Variants in RBFOX3 observed in about 807,000 individuals in gnomAD.
RBFOX3 encodes RNA binding fox-1 homolog 3, also known as RNA binding protein fox-1 homolog 3.
RBFOX3 carries 17 observed loss-of-function variants against 48.7 expected under a neutral mutation model. The observed-to-expected ratio is 0.35, with a 90% CI of 0.24 to 0.52. RBFOX3 has a LOEUF of 0.52. Ranked by LOEUF, RBFOX3 falls within the 20% of genes least tolerant of loss-of-function variation. RBFOX3 has a pLI of 0.94. For synonymous variants in RBFOX3, 212 were observed against 209.5 expected, an observed-to-expected ratio of 1.01 and a Z score of -0.10; for missense variants, 382 against 497.5, an observed-to-expected ratio of 0.77 and a Z score of 2.21.
At chr17:79,395,600 G>A (rs193168233) in intron 2 of RBFOX3, among the ~76,000 whole-genome samples, 2 of 152,334 alleles carry the variant, frequency 1.3e-5, no homozygotes, top group East Asian at 1.9e-4. Context: ...GCTGGCGCCC[G>A]CCTGGCAGTT....
At chr17:79,329,913 C>T (rs369823855) in intron 2 of RBFOX3, among the ~76,000 whole-genome samples, 13 of 152,306 alleles carry the variant, frequency 8.5e-5, no homozygotes, top group East Asian at 3.9e-4. Flanking sequence ...CCTGACCTCT[C>T]GTGCTGATCT....
intron 2 of RBFOX3, among the ~76,000 whole-genome samples, chr17:79,342,910 C>A (rs760706327): frequency 6.6e-6 from 1 of 151,720 alleles, no homozygotes; most frequent in Non-Finnish European, 1.5e-5. Context: ...CTTTACATGA[C>A]TTTTCAAGTT....
At chr17:79,565,949 C>T (rs2092438247) in intron 1 of RBFOX3, among the ~76,000 whole-genome samples, 2 of 152,178 alleles carry the variant, frequency 1.3e-5, no homozygotes, top group Admixed American at 1.3e-4. Context: ...ATTTGGACCC[C>T]AGTATTTTGG....
intron 4 of RBFOX3, among the ~76,000 whole-genome samples, chr17:79,203,909 G>A (rs919191886): frequency 2.6e-5 from 4 of 152,130 alleles, no homozygotes; most frequent in Admixed American, 1.3e-4. Flanking sequence ...CTCCCCTGAC[G>A]AAGTCCAAGC....
At chr17:79,660,803 C>T in the RBFOX3 span, among the ~76,000 whole-genome samples, 2 of 152,128 alleles carry the variant, frequency 1.3e-5, no homozygotes, top group African/African-American at 4.8e-5. Flanking sequence ...GAATATAAAT[C>T]GTTCTATTAT....
intron 2 of RBFOX3, among the ~76,000 whole-genome samples, chr17:79,409,458 A>T (rs2063979518): frequency 6.6e-6 from 1 of 152,228 alleles, no homozygotes; most frequent in Admixed American, 6.5e-5. Context: ...TTTTACATCC[A>T]ACAATGCACA....
At chr17:79,217,784 G>T (rs150533856) in intron 4 of RBFOX3, among the ~76,000 whole-genome samples, 8 of 152,088 alleles carry the variant, frequency 5.3e-5, no homozygotes, top group Admixed American at 5.2e-4. Flanking sequence ...TGGGAGGCAG[G>T]GTGTTTTTTT....
At chr17:79,513,386 C>T (rs1599009278) in intron 1 of RBFOX3, among the ~76,000 whole-genome samples, 1 of 152,286 alleles carries the variant, frequency 6.6e-6, no homozygotes, top group African/African-American at 2.4e-5. Flanking sequence ...TGCATGTCAT[C>T]ATCAAACATG....
At chr17:79,240,592 A>AC (rs1413992056) in intron 3 of RBFOX3, among the ~76,000 whole-genome samples, 10 of 152,204 alleles carry the variant, frequency 6.6e-5, no homozygotes, top group Non-Finnish European at 1.3e-4. Flanking sequence ...ACACATTCCT[A>AC]CCCTTGATAC....
intron 2 of RBFOX3, among the ~76,000 whole-genome samples, chr17:79,410,332 A>G (rs2064130540): frequency 6.6e-6 from 1 of 152,178 alleles, no homozygotes; most frequent in Non-Finnish European, 1.5e-5. Flanking sequence ...GTCTCCGTGC[A>G]TCATTCTGGC....
At chr17:79,264,760 G>A (rs1368351985) in intron 3 of RBFOX3, among the ~76,000 whole-genome samples, 3 of 152,144 alleles carry the variant, frequency 2.0e-5, no homozygotes, top group African/African-American at 2.4e-5. Flanking sequence ...TCTGTGATTG[G>A]TGGGTCCTGT....
At chr17:79,286,889 C>T (rs1387562018) in intron 3 of RBFOX3, among the ~76,000 whole-genome samples, 1 of 152,180 alleles carries the variant, frequency 6.6e-6, no homozygotes, top group Non-Finnish European at 1.5e-5. Flanking sequence ...AAGCCTGGTC[C>T]CACACTGTGG....
At chr17:79,636,681 G>A in the RBFOX3 span, among the ~76,000 whole-genome samples, 1 of 151,456 alleles carries the variant, frequency 6.6e-6, no homozygotes, top group Non-Finnish European at 1.5e-5. Flanking sequence ...ATACACAAAA[G>A]CAAAAGGAAT....
chr17:79,250,099 G>A (rs1025948039), intron 3 of RBFOX3, among the ~76,000 whole-genome samples: 4 of 152,174 alleles, frequency 2.6e-5, no homozygotes, highest in Non-Finnish European at 2.9e-5. Context: ...CCACAGCCGC[G>A]TCAGAAAGAC....
At chr17:79,109,383 T>C (rs1389303617) in intron 5 of RBFOX3, among the ~76,000 whole-genome samples, 1 of 152,036 alleles carries the variant, frequency 6.6e-6, no homozygotes, top group African/African-American at 2.4e-5. Flanking sequence ...TGACGGGCAA[T>C]GCAGGGCAGC....
At chr17:79,274,000 C>T (rs1170439019) in intron 3 of RBFOX3, among the ~76,000 whole-genome samples, 2 of 152,176 alleles carry the variant, frequency 1.3e-5, no homozygotes, top group Admixed American at 1.3e-4. Flanking sequence ...TAGTGTCCAG[C>T]GCCACCCTGG....
In RBFOX3 at chr17:79,311,134, C is replaced by T. The variant is rs1173323298; in HGVS notation, c.-174-3310G>A. On this transcript the variant is annotated intron_variant, in intron 2 of 14. Transcript: ENST00000693108. This position sits in a 1 kb window ranked among gnomAD's most constrained non-coding sequence, Gnocchi z 4.2. ...AGGTTCCCTGGGGAAAACATTCTGC[C>T]TCAAGACCGCAGCACCAGCTGGGCG... Among the ~76,000 whole-genome samples, 1 of 152,158 alleles carries T rather than the reference C, an allele frequency of 6.6e-6. No homozygotes were observed. Among genetic ancestry groups the T allele is most frequent in the African/African-American group, 2.4e-5 (1 of 41,432 alleles).
chr17:79,476,040 G>C (rs2077692904), intron 2 of RBFOX3, among the ~76,000 whole-genome samples: 1 of 152,244 alleles, frequency 6.6e-6, no homozygotes, highest in African/African-American at 2.4e-5. Context: ...CAGGCTGACT[G>C]TCCTGGGGGC....
At chr17:79,319,947 T>A (rs1168630285) in intron 2 of RBFOX3, among the ~76,000 whole-genome samples, 1 of 143,390 alleles carries the variant, frequency 7.0e-6, no homozygotes, top group Non-Finnish European at 1.5e-5. Flanking sequence ...GTTGGTCTTG[T>A]CCAGGCTGCT....
Sources: allele counts gnomAD v4.1 joint callset (sites outside exome capture counted in the v4.1 genomes callset), GRCh38; gene constraint gnomAD v4.1.1; non-coding constraint Gnocchi (gnomAD v3.1); transcripts MANE v1.5; gene names NCBI Gene and HGNC (gene_info 2026-07-23, HGNC 2026-07-21).